YARS1: variants seen among roughly 807,000 people sequenced by gnomAD.
YARS1 encodes the protein tyrosine--tRNA ligase, cytoplasmic.
In YARS1, 36 loss-of-function variants were observed where a neutral mutation model predicts 62.2. That is an observed-to-expected ratio of 0.58 (90% CI 0.44 to 0.76). The LOEUF (loss-of-function observed/expected upper bound fraction) is 0.76, where lower values mean the gene tolerates loss of function less well. Ranked by LOEUF, YARS1 falls within the 30% of genes least tolerant of loss-of-function variation. YARS1 has a pLI of 0.00. For missense variants in YARS1, 524 were observed against 639.8 expected (o/e 0.82, Z 1.95); for synonymous variants, 234 against 244.9 (o/e 0.96, Z 0.42).
At chr1:32,801,490 G>A (rs1284601933) in intron 4 of YARS1, among the ~76,000 whole-genome samples, 1 of 152,202 alleles carries the variant, frequency 6.6e-6, no homozygotes, top group Non-Finnish European at 1.5e-5. Flanking sequence ...TAATCTTCTT[G>A]CTGGTGGAGG....
intron 4 of YARS1, among the ~76,000 whole-genome samples, chr1:32,800,313 G>A (rs1016417649): frequency 2.6e-5 from 4 of 152,002 alleles, no homozygotes; most frequent in African/African-American, 9.7e-5. Flanking sequence ...ATCTCTTTGA[G>A]GTGACAAGGG....
intron 9 of YARS1, 66 bp downstream of exon 9, chr1:32,782,338 T>C (rs1653086352): frequency 6.2e-7 from 1 of 1,612,948 alleles, no homozygotes; most frequent in African/African-American, 1.3e-5. Flanking sequence ...AAGACAGGCA[T>C]TTTTCCAAGG....
At chr1:32,800,377 C>T (rs1261422133) in intron 4 of YARS1, among the ~76,000 whole-genome samples, 2 of 152,096 alleles carry the variant, frequency 1.3e-5, no homozygotes, top group Non-Finnish European at 2.9e-5. Context: ...TGTTGGCTTA[C>T]GCCTGCAATT....
intron 6 of YARS1, 169 bp downstream of exon 6, chr1:32,790,993 C>T (rs970197997): frequency 8.6e-6 from 6 of 700,822 alleles, no homozygotes; most frequent in African/African-American, 3.5e-5. Context: ...ATCAGGACTG[C>T]TCTGGATCCT....
chr1:32,783,669 C>A (rs2148602102), intron 8 of YARS1: 1 of 152,346 alleles, frequency 6.6e-6, no homozygotes, highest in African/African-American at 2.4e-5. Flanking sequence ...TCTGAGGGGA[C>A]ATCCCTTAGG....
intron 4 of YARS1, among the ~76,000 whole-genome samples, chr1:32,799,816 T>C (rs1393355945): frequency 2.6e-5 from 4 of 152,190 alleles, no homozygotes; most frequent in Admixed American, 2.6e-4. Flanking sequence ...CTTTCTTTTT[T>C]TTTAGAGATG....
chr1:32,781,980 ATTTT>A (rs772679724), intron 9 of YARS1: 45 of 144,212 alleles, frequency 3.1e-4, no homozygotes, highest in South Asian at 7.8e-4. Flanking sequence ...TGCCTGGCTA[ATTTT>A]TTTTTTTTTT....
At chr1:32,807,308 A>T (rs950960097) in intron 3 of YARS1, among the ~76,000 whole-genome samples, 1 of 151,978 alleles carries the variant, frequency 6.6e-6, no homozygotes, top group Non-Finnish European at 1.5e-5. Flanking sequence ...CTACCAACCC[A>T]TATCTCTTGT....
chr1:32,798,997 T>G (rs1208476437), intron 4 of YARS1, among the ~76,000 whole-genome samples: 2 of 152,130 alleles, frequency 1.3e-5, no homozygotes, highest in African/African-American at 2.4e-5. Context: ...CAACTCAGCG[T>G]GCTAAGGGTT....
At chr1:32,785,101 C>G (rs918190560) in intron 8 of YARS1, among the ~76,000 whole-genome samples, 2 of 152,160 alleles carry the variant, frequency 1.3e-5, no homozygotes, top group Non-Finnish European at 2.9e-5. Context: ...ATTTGCCTAT[C>G]GAATCTGGGA....
At chr1:32,817,068 A>T in intron 1 of YARS1, 120 bp downstream of exon 1, 1 of 1,298,426 alleles carries the variant, frequency 7.7e-7, no homozygotes, top group Non-Finnish European at 1.1e-6. Flanking sequence ...AGGCTCTCTC[A>T]GAGCTGCGCC....
intron 6 of YARS1, among the ~76,000 whole-genome samples, chr1:32,790,277 G>A (rs1237343198): frequency 1.3e-5 from 2 of 148,218 alleles, no homozygotes; most frequent in African/African-American, 2.5e-5. Flanking sequence ...GGGAGGCTGA[G>A]GTGGGTGGAT....
rs140101110 is a variant in YARS1, at chr1:32,809,539, A to G, written c.380+1052T>C. On this transcript the variant is annotated intron_variant, in intron 3 of 12. Coordinates refer to ENST00000373477, the MANE Select transcript of YARS1 (RefSeq NM_003680.4). ...ATGTGAGCCACCCTGCCCAGCCTAT[A>G]TGCTTTATTTAAAGCCCTAATTGTA... Among the ~76,000 whole-genome samples the G allele has an allele frequency of 5.5e-3, 834 of 152,228 alleles. 33 individuals are homozygous for G. Among genetic ancestry groups the G allele is most frequent in the Admixed American group, 0.049 (754 of 15,256 alleles).
Position 32,811,405 on chromosome 1 carries a change from G to A in YARS1, c.58-348C>T, listed in dbSNP as rs527981361. On this transcript the variant is annotated intron_variant, in intron 1 of 12. Coordinates refer to ENST00000373477, the MANE Select transcript of YARS1 (RefSeq NM_003680.4). ...TAAGATATTGTGGAAAGCTATAGCCGCAGTTCCCAGGAATTTGCCCAGTTG... is the reference window on the plus strand; with the variant it reads ...TAAGATATTGTGGAAAGCTATAGCCACAGTTCCCAGGAATTTGCCCAGTTG... 902 of 365,030 alleles carry A rather than the reference G, an allele frequency of 2.5e-3. 18 individuals are homozygous for A. The highest frequency in any genetic ancestry group is 0.02 in the South Asian group (885 of 44,688). The allele number at this position is 365,030 out of a possible 1,614,324, so 22.6% of individuals were successfully genotyped here. A position where few individuals can be genotyped will look rare whatever the true frequency, so the allele number is the denominator to read the frequency against.
chr1:32,792,687 T>C (rs1463073684), intron 5 of YARS1, among the ~76,000 whole-genome samples: 24 of 152,106 alleles, frequency 1.6e-4, no homozygotes, highest in Admixed American at 1.6e-3. Flanking sequence ...GAGACCATCC[T>C]GGCTAACACG....
intron 4 of YARS1, among the ~76,000 whole-genome samples, chr1:32,804,221 G>A (rs1194942544): frequency 6.6e-6 from 1 of 152,170 alleles, no homozygotes; most frequent in African/African-American, 2.4e-5. Context: ...AACCGCCATC[G>A]TCATCATGGC....
At chr1:32,788,889 A>G (rs934602133) in intron 6 of YARS1, among the ~76,000 whole-genome samples, 5 of 151,964 alleles carry the variant, frequency 3.3e-5, no homozygotes, top group African/African-American at 1.2e-4. Context: ...TGGTGGCACA[A>G]TCATGGCCCA....
intron 1 of YARS1, 175 bp downstream of exon 1, chr1:32,817,013 G>A (rs1638761429): frequency 2.5e-6 from 2 of 792,762 alleles, no homozygotes; most frequent in Admixed American, 4.4e-5. Context: ...GGGGAACCCA[G>A]GGAAGGGCTG....
intron 4 of YARS1, among the ~76,000 whole-genome samples, chr1:32,802,803 C>G (rs1638332532): frequency 6.6e-6 from 1 of 152,044 alleles, no homozygotes; most frequent in Non-Finnish European, 1.5e-5. Flanking sequence ...AGAGCTCAGG[C>G]AGAGTAGACT....
Sources: gnomAD v4.1 joint callset for allele counts (sites outside exome capture counted in the v4.1 genomes callset) on GRCh38, gnomAD v4.1.1 for gene constraint, MANE v1.5 for transcripts, NCBI Gene and HGNC (gene_info 2026-07-23, HGNC 2026-07-21) for gene names.